The following LNPEP variants were observed in gnomAD, a reference collection of about 807,000 sequenced individuals.
LNPEP encodes the protein leucyl-cystinyl aminopeptidase.
Under a neutral mutation model 120.6 loss-of-function variants are expected in LNPEP, and 64 were observed. The observed-to-expected ratio is 0.53, with a 90% CI of 0.43 to 0.65. The LOEUF (loss-of-function observed/expected upper bound fraction) is 0.65, where lower values mean the gene tolerates loss of function less well. Ranked by LOEUF, LNPEP falls within the 30% of genes least tolerant of loss-of-function variation. LNPEP has a pLI of 0.00. For synonymous variants in LNPEP, 435 were observed against 425.4 expected (o/e 1.02, Z -0.28); for missense variants, 1,057 against 1,200.0 (o/e 0.88, Z 1.76).
At chr5:96,948,857 G>C (rs1466031023) in intron 1 of LNPEP, among the ~76,000 whole-genome samples, 1 of 151,882 alleles carries the variant, frequency 6.6e-6, no homozygotes, top group African/African-American at 2.4e-5. Context: ...GTTGACTACT[G>C]TATAGTATAG....
At chr5:96,961,603 G>A (rs935990110) in intron 1 of LNPEP, among the ~76,000 whole-genome samples, 3 of 152,102 alleles carry the variant, frequency 2.0e-5, no homozygotes, top group African/African-American at 4.8e-5. Flanking sequence ...TGTGCTGTAC[G>A]TTCATCCCTC....
chr5:96,957,686 G>A (rs1042421087), intron 1 of LNPEP, among the ~76,000 whole-genome samples: 1 of 152,014 alleles, frequency 6.6e-6, no homozygotes, highest in Non-Finnish European at 1.5e-5. Flanking sequence ...AGAAAGAAAC[G>A]GATTCTCTCC....
chr5:96,982,080 A>G (rs944284265), intron 2 of LNPEP, among the ~76,000 whole-genome samples: 1 of 152,134 alleles, frequency 6.6e-6, no homozygotes, highest in African/African-American at 2.4e-5. Flanking sequence ...TAAGAGATAG[A>G]TGTTAACATT....
chr5:97,020,655 A>T (rs2112666157), intron 13 of LNPEP, among the ~76,000 whole-genome samples: 1 of 152,264 alleles, frequency 6.6e-6, no homozygotes, highest in East Asian at 1.9e-4. Flanking sequence ...CAAAAAAATT[A>T]GCCGGATGTG....
intron 5 of LNPEP, 127 bp from the exon 6 acceptor site, chr5:96,993,690 A>T: frequency 1.1e-6 from 1 of 901,374 alleles, no homozygotes; most frequent in South Asian, 1.6e-5. Flanking sequence ...AATAAGGAAG[A>T]TTCCATTTAT....
chr5:96,977,241 C>CA (rs1410733997), intron 1 of LNPEP, among the ~76,000 whole-genome samples: 5 of 151,498 alleles, frequency 3.3e-5, no homozygotes, highest in Non-Finnish European at 5.9e-5. Context: ...AAAGGAAAAA[C>CA]AAAAAAACAT....
At chr5:96,980,996 C>T (rs912385884) in intron 2 of LNPEP, among the ~76,000 whole-genome samples, 6 of 152,096 alleles carry the variant, frequency 3.9e-5, no homozygotes, top group Admixed American at 1.3e-4. Context: ...TCAATTCTTG[C>T]GTGAGATCTG....
intron 1 of LNPEP, among the ~76,000 whole-genome samples, chr5:96,943,606 A>G (rs904550340): frequency 2.0e-5 from 3 of 152,216 alleles, no homozygotes; most frequent in Non-Finnish European, 4.4e-5. Flanking sequence ...ACTATTCTTT[A>G]TAGCCTGGCT....
chr5:96,988,199 C>G (rs2112619228), intron 4 of LNPEP, among the ~76,000 whole-genome samples: 1 of 152,050 alleles, frequency 6.6e-6, no homozygotes, highest in East Asian at 1.9e-4. Flanking sequence ...GTTTGCTTCA[C>G]ACTACCTGTA....
chr5:96,970,192 G>C (rs936647680), intron 1 of LNPEP, among the ~76,000 whole-genome samples: 1 of 152,058 alleles, frequency 6.6e-6, no homozygotes, highest in East Asian at 1.9e-4. Flanking sequence ...GGTCAAATTA[G>C]TTAATAGTAT....
At position 97,035,858 on chromosome 5, in the gene LNPEP, GA is replaced by G. The variant is rs1036837266; in HGVS notation, c.*7328del. The G allele has an allele frequency of 1.3e-5, 2 of 152,200 alleles. No homozygotes were observed. The highest frequency in any genetic ancestry group is 4.8e-5 in the African/African-American group (2 of 41,450). The allele number at this position is 152,200 out of a possible 1,614,324, so 9.4% of individuals were successfully genotyped here. ...AGACACTCAGCTATGGTTGAGTTGT[GA>G]AAGCTAATTAGATCCAGCATTTCTT... On this transcript the variant is annotated 3_prime_UTR_variant, in exon 18 of 18. Coordinates refer to ENST00000231368, the MANE Select transcript of LNPEP (RefSeq NM_005575.3).
chr5:96,958,825 T>A (rs1233132286), intron 1 of LNPEP: 1 of 127,352 alleles, frequency 7.9e-6, no homozygotes, highest in Non-Finnish European at 1.7e-5. Context: ...CTCTTTTGCT[T>A]TTTTTTTTTT....
At chr5:97,008,346 T>TTG (rs1790841128) in intron 11 of LNPEP, among the ~76,000 whole-genome samples, 1 of 33,716 alleles carries the variant, frequency 3.0e-5, no homozygotes, top group Non-Finnish European at 6.5e-5. Context: ...TGTTTTTTTT[T>TTG]TTTTTTTTTT....
intron 1 of LNPEP, among the ~76,000 whole-genome samples, chr5:96,959,817 G>A (rs537433388): frequency 2.5e-4 from 38 of 151,424 alleles, no homozygotes; most frequent in Non-Finnish European, 2.8e-4. Flanking sequence ...AAAATTTCTT[G>A]TGCATTTCAA....
intron 1 of LNPEP, among the ~76,000 whole-genome samples, chr5:96,939,650 C>G (rs1313489963): frequency 6.6e-6 from 1 of 151,798 alleles, no homozygotes; most frequent in Non-Finnish European, 1.5e-5. Flanking sequence ...ACTTTTATTA[C>G]CGCAGTGTGG....
chr5:96,985,266 C>CCTTA (rs773135747), intron 3 of LNPEP, 48 bp downstream of exon 3: 37 of 1,494,622 alleles, frequency 2.5e-5, no homozygotes, highest in Non-Finnish European at 3.3e-5. Flanking sequence ...GGGTCTCTTT[C>CCTTA]TTTAAGAACA....
Position 97,034,728 on chromosome 5 carries a change from A to G in LNPEP, c.*6195A>G, listed in dbSNP as rs1200014064. 6.6e-6 allele frequency: 1 copy of G among 152,004 alleles called. No homozygotes were observed. The highest frequency in any genetic ancestry group is 2.4e-5 in the African/African-American group (1 of 41,396). 9.4% of individuals were successfully genotyped at this position (152,004 alleles called of 1,614,324 possible). ...AAAGGCAAGATATATAATTTTTTTA[A>G]TGTATATAAATGTTTTGCTCCTTTT... is the stretch of plus-strand genomic sequence containing the variant. On this transcript the variant is annotated 3_prime_UTR_variant, in exon 18 of 18. Transcript: ENST00000231368.
At chr5:96,985,858 G>T (rs1790231139) in intron 3 of LNPEP, among the ~76,000 whole-genome samples, 1 of 151,682 alleles carries the variant, frequency 6.6e-6, no homozygotes, top group Non-Finnish European at 1.5e-5. Flanking sequence ...GCCATACCCA[G>T]CAGGCTATGG....
chr5:97,007,521 C>T (rs1009050416), intron 11 of LNPEP, among the ~76,000 whole-genome samples: 2 of 152,040 alleles, frequency 1.3e-5, no homozygotes, highest in African/African-American at 4.8e-5. Context: ...CTATCATTAA[C>T]GTTATTGAAA....
Sources: allele counts gnomAD v4.1 joint callset (sites outside exome capture counted in the v4.1 genomes callset), GRCh38; gene constraint gnomAD v4.1.1; transcripts MANE v1.5; gene names NCBI Gene and HGNC (gene_info 2026-07-23, HGNC 2026-07-21).